The following FAM184B variants were observed in gnomAD, a reference collection of about 807,000 sequenced individuals.
FAM184B encodes protein FAM184B.
A neutral mutation model predicts 135.9 loss-of-function variants in FAM184B; 111 were observed. The ratio of observed to expected loss-of-function variants is 0.82; its 90% CI spans 0.70 to 0.96. The LOEUF is 0.96. Among genes scored for constraint, FAM184B ranks in the 40% least tolerant of loss-of-function variants. The pLI, the probability that FAM184B is intolerant of heterozygous loss-of-function variation, is 0.00. For synonymous variants in FAM184B, 552 were observed against 524.8 expected, an observed-to-expected ratio of 1.05 and a Z score of -0.71; for missense variants, 1,375 against 1,323.9, an observed-to-expected ratio of 1.04 and a Z score of -0.60.
At chr4:17,663,529 A>G (rs1715966151) in intron 8 of FAM184B, among the ~76,000 whole-genome samples, 1 of 152,258 alleles carries the variant, frequency 6.6e-6, no homozygotes, top group Non-Finnish European at 1.5e-5. Context: ...CTCAAGATAC[A>G]AAATTGATGT....
At chr4:17,741,303 C>A (rs1455474565) in intron 1 of FAM184B, among the ~76,000 whole-genome samples, 1 of 152,174 alleles carries the variant, frequency 6.6e-6, no homozygotes, top group Non-Finnish European at 1.5e-5. Flanking sequence ...TCAAGAAAGG[C>A]TTCACTGAGA....
At chr4:17,685,966 C>T (rs555767736) in intron 7 of FAM184B, among the ~76,000 whole-genome samples, 1 of 152,296 alleles carries the variant, frequency 6.6e-6, no homozygotes, top group South Asian at 2.1e-4. Context: ...ACACAGCCTG[C>T]TCTACAATCT....
At position 17,636,658 on chromosome 4, in the gene FAM184B, G is replaced by A; in HGVS notation, c.2667-13C>T. 1 of 1,536,738 alleles carries A rather than the reference G, an allele frequency of 6.5e-7. No individual in the cohort carries two copies. The highest frequency in any genetic ancestry group is 8.8e-7 in the Non-Finnish European group (1 of 1,139,500). ...GGAATCTTTCAGTCTGTTCCAAGCA[G>A]GCATGCAGTCAAGTCCCCCTTACAG... is the stretch of plus-strand genomic sequence containing the variant. On this transcript the variant is annotated splice_polypyrimidine_tract_variant and intron_variant, in intron 14 of 17. Transcript: ENST00000265018.
At chr4:17,746,903 T>G (rs1577287547) in intron 1 of FAM184B, among the ~76,000 whole-genome samples, 5 of 151,550 alleles carry the variant, frequency 3.3e-5, no homozygotes, top group African/African-American at 1.2e-4. Flanking sequence ...CTGGTTATGG[T>G]GGTGCACACC....
At chr4:17,638,136 T>TG (rs1715201656) in intron 14 of FAM184B, among the ~76,000 whole-genome samples, 1 of 13,634 alleles carries the variant, frequency 7.3e-5, no homozygotes, top group Non-Finnish European at 1.3e-4. Context: ...ACTGTTTGCT[T>TG]TTTTTTTTTT....
At chr4:17,647,216 G>C (rs188215618) in intron 12 of FAM184B, among the ~76,000 whole-genome samples, 12 of 151,576 alleles carry the variant, frequency 7.9e-5, no homozygotes, top group Admixed American at 2.6e-4. Context: ...CTTCGGGCAG[G>C]GGGGAGGGGA....
At chr4:17,731,241 A>T (rs1717768055) in intron 1 of FAM184B, among the ~76,000 whole-genome samples, 1 of 152,260 alleles carries the variant, frequency 6.6e-6, no homozygotes, top group African/African-American at 2.4e-5. Flanking sequence ...TGTAAAGACC[A>T]TCAAGACAAG....
At chr4:17,747,044 CA>C (rs11342758) in intron 1 of FAM184B, among the ~76,000 whole-genome samples, 44,946 of 98,396 alleles carry the variant, frequency 0.46, 7,969 homozygotes, top group Middle Eastern at 0.59. Context: ...GACTCCATCT[CA>C]AAAAAAAAAA....
Position 17,688,532 on chromosome 4 carries a change from C to T in FAM184B, c.1489-1G>A, listed in dbSNP as rs2108956282. 1.9e-6 allele frequency: 3 copies of T among 1,545,274 alleles called. No homozygotes were observed. The highest frequency in any genetic ancestry group is 2.6e-6 in the Non-Finnish European group (3 of 1,144,896). ...GGATAAATTCTTCCAGCCTTAAAAC[C>T]TAAAACAGGAGATAAGAAACACCAC... On this transcript the variant is annotated splice_acceptor_variant, in intron 6 of 17. Coordinates refer to ENST00000265018, the MANE Select transcript of FAM184B (RefSeq NM_015688.2). LOFTEE classifies it high-confidence loss of function.
At chr4:17,723,468 A>G (rs2159310) in intron 1 of FAM184B, among the ~76,000 whole-genome samples, 148,613 of 152,258 alleles carry the variant, frequency 0.98, 72,623 homozygotes, top group Middle Eastern at 1. Context: ...GTGTAGCAGC[A>G]GGTAGTTTTG....
At chr4:17,766,698 T>G (rs1346185256) in intron 1 of FAM184B, among the ~76,000 whole-genome samples, 1 of 152,220 alleles carries the variant, frequency 6.6e-6, no homozygotes, top group Non-Finnish European at 1.5e-5. Flanking sequence ...TCGCTAGACA[T>G]AAAGATTCTC....
intron 13 of FAM184B, among the ~76,000 whole-genome samples, chr4:17,640,960 T>C (rs1219213770): frequency 2.6e-5 from 4 of 152,018 alleles, no homozygotes; most frequent in Admixed American, 2.6e-4. Context: ...TTGAGACAGA[T>C]TGTGGCTCTG....
intron 5 of FAM184B, among the ~76,000 whole-genome samples, chr4:17,699,512 T>C (rs1716937552): frequency 6.6e-6 from 1 of 152,128 alleles, no homozygotes; most frequent in Non-Finnish European, 1.5e-5. Context: ...TGTTAACTTT[T>C]CATTAGAATA....
At chr4:17,639,471 C>G in intron 13 of FAM184B, 75 bp from the exon 14 acceptor site, 1 of 1,499,864 alleles carries the variant, frequency 6.7e-7, no homozygotes, top group Non-Finnish European at 9.0e-7. Context: ...GGTTTATTTC[C>G]CTCATCGCTG....
At chr4:17,694,537 A>AT (rs397879061) in intron 5 of FAM184B, among the ~76,000 whole-genome samples, 1 of 151,418 alleles carries the variant, frequency 6.6e-6, no homozygotes. Flanking sequence ...AAAAAAAAAA[A>AT]TTGTCATAGA....
rs115437222 is a variant in FAM184B, at chr4:17,710,969, G to T, written c.142-1325C>A. ...GAGGCAGCCTGAGCTACAGAGGAGGGGGGTGAAGTCAGGAGAGTTTTGTTG... is the reference window on the plus strand; with the variant it reads ...GAGGCAGCCTGAGCTACAGAGGAGGTGGGTGAAGTCAGGAGAGTTTTGTTG... On this transcript the variant is annotated intron_variant, in intron 1 of 17. Coordinates refer to ENST00000265018, the MANE Select transcript of FAM184B (RefSeq NM_015688.2). Among the ~76,000 whole-genome samples the T allele has an allele frequency of 7.6e-3, 1,164 of 152,302 alleles. 10 individuals carry two copies. The highest frequency in any genetic ancestry group is 0.013 in the Non-Finnish European group (909 of 68,028).
chr4:17,638,056 G>A (rs1485794348), intron 14 of FAM184B, among the ~76,000 whole-genome samples: 1 of 148,990 alleles, frequency 6.7e-6, no homozygotes, highest in Non-Finnish European at 1.5e-5. Flanking sequence ...CCTCACAGAG[G>A]CCTTGTTTTG....
intron 10 of FAM184B, among the ~76,000 whole-genome samples, chr4:17,658,056 T>C (rs1715816905): frequency 6.6e-6 from 1 of 152,146 alleles, no homozygotes; most frequent in African/African-American, 2.4e-5. Context: ...GCTCTAGTCA[T>C]GAAAGCAAGT....
intron 17 of FAM184B, 61 bp from the exon 18 acceptor site, chr4:17,632,686 A>G: frequency 9.1e-7 from 1 of 1,101,970 alleles, no homozygotes; most frequent in African/African-American, 1.6e-5. Context: ...GCAGCTTAAT[A>G]CCCACCATCT....
Sources: allele counts gnomAD v4.1 joint callset (sites outside exome capture counted in the v4.1 genomes callset), GRCh38; gene constraint gnomAD v4.1.1; transcripts MANE v1.5; gene names NCBI Gene and HGNC (gene_info 2026-07-23, HGNC 2026-07-21).